The following LGR6 variants were observed in gnomAD, a reference collection of about 807,000 sequenced individuals.
The protein encoded by LGR6 is leucine rich repeat containing G protein-coupled receptor 6.
Under a neutral mutation model 69.4 loss-of-function variants are expected in LGR6, and 45 were observed. The observed-to-expected ratio is 0.65, with a 90% CI of 0.51 to 0.83. The LOEUF (loss-of-function observed/expected upper bound fraction) is 0.83, where lower values mean the gene tolerates loss of function less well. LGR6 is among the 40% of genes least tolerant of loss of function. LGR6 has a pLI of 0.00. For missense variants in LGR6, 1,108 were observed against 1,246.7 expected, an observed-to-expected ratio of 0.89 and a Z score of 1.68; for synonymous variants, 538 against 555.0, an observed-to-expected ratio of 0.97 and a Z score of 0.43.
chr1:202,260,594 G>A (rs187908922), intron 4 of LGR6, among the ~76,000 whole-genome samples: 6 of 152,222 alleles, frequency 3.9e-5, no homozygotes, highest in East Asian at 1.9e-4. Flanking sequence ...CCAAAGTGTC[G>A]GGAATGAGCC....
At chr1:202,235,284 A>G (rs1282148869) in intron 3 of LGR6, among the ~76,000 whole-genome samples, 1 of 152,202 alleles carries the variant, frequency 6.6e-6, no homozygotes, top group Non-Finnish European at 1.5e-5. Context: ...TTTGGGACTT[A>G]GGTCCTGGTC....
chr1:202,215,085 A>T (rs1216049443), intron 1 of LGR6, among the ~76,000 whole-genome samples: 1 of 149,394 alleles, frequency 6.7e-6, no homozygotes, highest in African/African-American at 2.5e-5. Context: ...ATGTAAAAGA[A>T]AAGCTCCCAT....
intron 1 of LGR6, among the ~76,000 whole-genome samples, chr1:202,205,147 C>T (rs1333076552): frequency 2.2e-5 from 2 of 92,350 alleles, no homozygotes; most frequent in Non-Finnish European, 2.0e-5. Flanking sequence ...CACACACACA[C>T]CTCCACACAC....
At chr1:202,258,163 T>C (rs1278173292) in intron 4 of LGR6, among the ~76,000 whole-genome samples, 1 of 152,074 alleles carries the variant, frequency 6.6e-6, no homozygotes, top group Non-Finnish European at 1.5e-5. Context: ...ATTGATCTTA[T>C]ATCTTGCAGC....
At chr1:202,243,410 C>T (rs1300979288) in intron 4 of LGR6, among the ~76,000 whole-genome samples, 1 of 152,128 alleles carries the variant, frequency 6.6e-6, no homozygotes, top group Non-Finnish European at 1.5e-5. Context: ...TTGATCAGCA[C>T]CCCCAGAGAG....
intron 1 of LGR6, among the ~76,000 whole-genome samples, chr1:202,215,020 TGC>T (rs1553239912): frequency 3.7e-4 from 50 of 135,914 alleles, no homozygotes; most frequent in African/African-American, 1.1e-3. Context: ...TGTGTGTGTG[TGC>T]GCGCGCGCGC....
intron 3 of LGR6, among the ~76,000 whole-genome samples, chr1:202,234,102 G>A (rs905581540): frequency 6.6e-6 from 1 of 152,252 alleles, no homozygotes. Context: ...AGGGGACACT[G>A]GAGGCCAACA....
At chr1:202,197,580 A>G in intron 1 of LGR6, 2 of 406,134 alleles carry the variant, frequency 4.9e-6, no homozygotes, top group Non-Finnish European at 9.9e-6. Flanking sequence ...ACGAGAAGGC[A>G]TGATGCCTCT....
intron 4 of LGR6, among the ~76,000 whole-genome samples, chr1:202,245,373 A>T (rs901530266): frequency 3.9e-5 from 6 of 152,108 alleles, no homozygotes; most frequent in Non-Finnish European, 8.8e-5. Context: ...CTCCTGAGAG[A>T]TGCTAGGAGA....
chr1:202,227,793 A>G (rs571181341), intron 2 of LGR6, 143 bp from the exon 3 acceptor site: 134 of 612,842 alleles, frequency 2.2e-4, no homozygotes, highest in African/African-American at 2.1e-3. Context: ...ATGCATGTGA[A>G]GTATTAAACG....
At chr1:202,271,599 G>A (rs1295360744) in intron 4 of LGR6, among the ~76,000 whole-genome samples, 1 of 152,054 alleles carries the variant, frequency 6.6e-6, no homozygotes, top group Non-Finnish European at 1.5e-5. Context: ...CTGAGGTCAG[G>A]AGTTCGAGAC....
chr1:202,255,563 A>G (rs1211222938), intron 4 of LGR6, among the ~76,000 whole-genome samples: 1 of 152,178 alleles, frequency 6.6e-6, no homozygotes, highest in Non-Finnish European at 1.5e-5. Context: ...GCTCTCCAAC[A>G]GCCTGGGAGT....
intron 3 of LGR6, among the ~76,000 whole-genome samples, chr1:202,234,193 C>T (rs374143661): frequency 7.2e-5 from 11 of 152,234 alleles, no homozygotes; most frequent in African/African-American, 2.7e-4. Context: ...CCCCTTCCTG[C>T]AGCCAGGCCC....
chr1:202,261,967 G>C (rs1251347328), intron 4 of LGR6, among the ~76,000 whole-genome samples: 1 of 152,174 alleles, frequency 6.6e-6, no homozygotes. Context: ...TGAGTTCATT[G>C]TAAATTCTGG....
At chr1:202,246,446 T>C (rs970668662) in intron 4 of LGR6, among the ~76,000 whole-genome samples, 1 of 127,590 alleles carries the variant, frequency 7.8e-6, no homozygotes, top group Admixed American at 8.6e-5. Context: ...CATCCCTCCA[T>C]GCATCCATCC....
intron 11 of LGR6, 143 bp downstream of exon 11, chr1:202,304,773 C>G (rs772376325): frequency 4.2e-5 from 22 of 529,570 alleles, no homozygotes; most frequent in Admixed American, 6.2e-5. Flanking sequence ...AGAGCCTACC[C>G]CAGAAGGACC....
At chr1:202,250,796 A>G (rs1663167852) in intron 4 of LGR6, among the ~76,000 whole-genome samples, 1 of 152,228 alleles carries the variant, frequency 6.6e-6, no homozygotes, top group African/African-American at 2.4e-5. Flanking sequence ...ATAATTGTAC[A>G]TTTTAATGAA....
intron 6 of LGR6, among the ~76,000 whole-genome samples, chr1:202,289,898 C>T (rs1263428516): frequency 1.3e-5 from 2 of 152,220 alleles, no homozygotes; most frequent in African/African-American, 2.4e-5. Flanking sequence ...GAGCTAGGCT[C>T]ACCCATATTC....
At chr1:202,284,170 GA>G (rs1457512854) in intron 6 of LGR6, among the ~76,000 whole-genome samples, 58 of 152,310 alleles carry the variant, frequency 3.8e-4, no homozygotes, top group African/African-American at 1.4e-3. Flanking sequence ...TGCCCTCTGG[GA>G]AAGTCTGACC....
Sources: gnomAD v4.1 joint callset for allele counts (sites outside exome capture counted in the v4.1 genomes callset) on GRCh38, gnomAD v4.1.1 for gene constraint, MANE v1.5 for transcripts, NCBI Gene and HGNC (gene_info 2026-07-23, HGNC 2026-07-21) for gene names.